Variants in CDR2 observed in about 807,000 individuals in gnomAD.
The protein encoded by CDR2 is cerebellar degeneration related protein 2, also known as cerebellar degeneration-related protein 2.
Under a neutral mutation model 48.4 loss-of-function variants are expected in CDR2, and 34 were observed. That is an observed-to-expected ratio of 0.70 (90% CI 0.53 to 0.94). CDR2 has a LOEUF of 0.94. Among genes scored for constraint, CDR2 ranks in the 40% least tolerant of loss-of-function variants. CDR2 has a pLI of 0.00. For synonymous variants in CDR2, 240 were observed against 219.7 expected (o/e 1.09, Z -0.82); for missense variants, 498 against 549.5 (o/e 0.91, Z 0.94).
At chr16:22,352,998 T>C (rs1258924928) in intron 2 of CDR2, among the ~76,000 whole-genome samples, 1 of 152,122 alleles carries the variant, frequency 6.6e-6, no homozygotes, top group African/African-American at 2.4e-5. Context: ...CTCTTAGGAA[T>C]TGATGAGATT....
chr16:22,360,150 G>A (rs950815219), intron 2 of CDR2, among the ~76,000 whole-genome samples: 54 of 152,196 alleles, frequency 3.5e-4, no homozygotes, highest in African/African-American at 1.2e-3. Context: ...CTGCTTACAC[G>A]GTTGTAGCAA....
intron 1 of CDR2, among the ~76,000 whole-genome samples, chr16:22,369,438 G>C (rs531593967): frequency 6.6e-6 from 1 of 152,268 alleles, no homozygotes; most frequent in African/African-American, 2.4e-5. Flanking sequence ...TGCTCCTGCA[G>C]AAAGAGATAC....
chr16:22,346,930 C>A lies in CDR2; in HGVS notation c.*35G>T. 6.3e-7 allele frequency: 1 copy of A among 1,585,420 alleles called. No individual in the cohort carries two copies. Among genetic ancestry groups the A allele is most frequent in the South Asian group, 1.2e-5 (1 of 86,914 alleles). On this transcript the variant is annotated 3_prime_UTR_variant, in exon 5 of 5. Coordinates refer to ENST00000268383, the MANE Select transcript of CDR2 (RefSeq NM_001802.2). The stretch of plus-strand genomic sequence containing the variant: ...CTGAATGGGAGAGAGAGGCGATAGG[C>A]AATAGGCAAATTAGTAGTAGAGCTA...
chr16:22,357,401 GAC>G (rs1266706005), intron 2 of CDR2, among the ~76,000 whole-genome samples: 1 of 152,130 alleles, frequency 6.6e-6, no homozygotes, highest in African/African-American at 2.4e-5. Flanking sequence ...GTCCATTCCT[GAC>G]ACACAGTAGG....
intron 1 of CDR2, among the ~76,000 whole-genome samples, chr16:22,372,179 G>T (rs1224468559): frequency 1.3e-5 from 2 of 151,326 alleles, no homozygotes; most frequent in Non-Finnish European, 3.0e-5. Flanking sequence ...CCAGACCTGT[G>T]TTTTTAAGGT....
chr16:22,358,200 GTACAGACATGC>G (rs2048988796), intron 2 of CDR2, among the ~76,000 whole-genome samples: 1 of 152,092 alleles, frequency 6.6e-6, no homozygotes, highest in African/African-American at 2.4e-5. Context: ...TCATCTCAAG[GTACAGACATGC>G]TGCTGACATG....
In CDR2 at chr16:22,349,452, AACAG is replaced by A; in HGVS notation, c.342-13_342-10del. The A allele has an allele frequency of 6.2e-7, 1 of 1,614,038 alleles. No individual in the cohort carries two copies. Among genetic ancestry groups the A allele is most frequent in the Non-Finnish European group, 8.5e-7 (1 of 1,179,946 alleles). ...CAATCGTTTCAGTCAGGCTGTGAGG[AACAG>A]ACAGAAGCCACTGCTGCTTGTCATA... is the stretch of plus-strand genomic sequence containing the variant. On this transcript the variant is annotated splice_polypyrimidine_tract_variant and intron_variant, in intron 3 of 4. Transcript: ENST00000268383.
chr16:22,353,492 G>C (rs1300539901), intron 2 of CDR2, among the ~76,000 whole-genome samples: 1 of 152,148 alleles, frequency 6.6e-6, no homozygotes, highest in Non-Finnish European at 1.5e-5. Flanking sequence ...ACTGGACTAT[G>C]TCACCCCAAA....
intron 2 of CDR2, among the ~76,000 whole-genome samples, chr16:22,351,171 G>A (rs1380868304): frequency 6.6e-6 from 1 of 152,160 alleles, no homozygotes; most frequent in Non-Finnish European, 1.5e-5. Context: ...CTTCATCCAT[G>A]TCCCTGCAAA....
At position 22,347,113 on chromosome 16, in the gene CDR2, G is replaced by T; in HGVS notation, c.1217C>A (p.Ala406Asp). Residue 406 changes from alanine to aspartate, a missense_variant, in exon 5 of 5, where the codon GCC becomes GAC. Physicochemically the swap from Ala to Asp is moderately radical, Grantham distance 126. Coordinates refer to ENST00000268383, the MANE Select transcript of CDR2 (RefSeq NM_001802.2). ...ACTCACGGGCTCTGGGTTGACAGAGGCCAGTTCCCAGCCGCTGGCAACAGG... is the reference window on the plus strand; with the variant it reads ...ACTCACGGGCTCTGGGTTGACAGAGTCCAGTTCCCAGCCGCTGGCAACAGG... ...SEPVASGWEL[A>D]SVNPEPVSSP... The T allele has an allele frequency of 6.2e-7, 1 of 1,614,208 alleles. No individual in the cohort carries two copies. Among genetic ancestry groups the T allele is most frequent in the East Asian group, 2.2e-5 (1 of 44,892 alleles).
In CDR2 at chr16:22,360,848, C is replaced by T. The variant is rs2049006739; in HGVS notation, c.192+4054G>A. Among the ~76,000 whole-genome samples the T allele has an allele frequency of 3.6e-5, 5 of 137,372 alleles. 1 individual carries two copies. The South Asian group carries it at 1.1e-3, about 31-fold the overall frequency. The allele number at this position is 137,372 out of a possible 152,430, so 90.1% of individuals were successfully genotyped here. A position where few individuals can be genotyped will look rare whatever the true frequency, so the allele number is the denominator to read the frequency against. On this transcript the variant is annotated intron_variant, in intron 2 of 4. Coordinates refer to ENST00000268383, the MANE Select transcript of CDR2 (RefSeq NM_001802.2). ...CACTGTGACCTCCGCCCTGCAGGTT[C>T]AAGGGATTCTCCTGCCTCAGCCTCC...
chr16:22,369,208 C>T lies in CDR2; in HGVS notation c.80-4194G>A, dbSNP rs1024821401. On this transcript the variant is annotated intron_variant, in intron 1 of 4. Transcript: ENST00000268383. The stretch of plus-strand genomic sequence containing the variant: ...CACCTGTAATCTCAGCACTTTGGGA[C>T]GCCAAGGCAGGAGGACTGTTTGAGG... 5.3e-5 allele frequency among the ~76,000 whole-genome samples: 8 copies of T among 150,686 alleles called. No individual in the cohort carries two copies. The East Asian group carries it at 5.8e-4, about 11-fold the overall frequency.
Position 22,374,302 on chromosome 16 carries a change from G to C in CDR2, c.8C>G (p.Ala3Gly). ML[A>G]ENLVEEFEMK... ...CTCAAACTCCTCTACCAGGTTTTCC[G>C]CCAGCATCTCGGCTGGGTCTTCTAG... is the stretch of plus-strand genomic sequence containing the variant. The change falls in exon 1 of 5, where the codon GCG becomes GGG. Residue 3 changes from alanine (A) to glycine (G), a missense_variant. Physicochemically the swap from Ala to Gly is moderately conservative, Grantham distance 60. Coordinates refer to ENST00000268383, the MANE Select transcript of CDR2 (RefSeq NM_001802.2). 1 of 1,598,196 alleles carries C rather than the reference G, an allele frequency of 6.3e-7. No homozygotes were observed. The highest frequency in any genetic ancestry group is 8.5e-7 in the Non-Finnish European group (1 of 1,172,890).
Position 22,346,694 on chromosome 16 carries a change from C to T in CDR2, c.*271G>A. On this transcript the variant is annotated 3_prime_UTR_variant, in exon 5 of 5. Transcript: ENST00000268383. Reference sequence around the variant, plus strand: ...TCTCCAGAAGTATAGCTCTTCCCTCCACTGGTCCTTTTCAGGAACTGAAGT... The same window carrying T: ...TCTCCAGAAGTATAGCTCTTCCCTCTACTGGTCCTTTTCAGGAACTGAAGT... 4.4e-6 allele frequency: 2 copies of T among 456,488 alleles called. No homozygotes were observed. The highest frequency in any genetic ancestry group is 2.9e-5 in the South Asian group (1 of 34,662). 28.3% of individuals were successfully genotyped at this position (456,488 alleles called of 1,614,324 possible).
At chr16:22,353,375 T>G (rs1265845572) in intron 2 of CDR2, among the ~76,000 whole-genome samples, 1 of 152,208 alleles carries the variant, frequency 6.6e-6, no homozygotes, top group Non-Finnish European at 1.5e-5. Flanking sequence ...GAGGTCTTGC[T>G]TTGCTGTTTA....
chr16:22,359,601 G>A (rs1035796260), intron 2 of CDR2, among the ~76,000 whole-genome samples: 1 of 152,074 alleles, frequency 6.6e-6, no homozygotes, highest in African/African-American at 2.4e-5. Context: ...CTACACCAAA[G>A]CAGTGTAAGC....
At chr16:22,370,983 C>T (rs1270097553) in intron 1 of CDR2, among the ~76,000 whole-genome samples, 1 of 152,092 alleles carries the variant, frequency 6.6e-6, no homozygotes, top group Non-Finnish European at 1.5e-5. Context: ...GAGGCCGAGG[C>T]GGGTAAATCA....
chr16:22,349,491 G>A (rs1167530481), intron 3 of CDR2, 48 bp from the exon 4 acceptor site: 5 of 1,604,606 alleles, frequency 3.1e-6, no homozygotes, highest in Non-Finnish European at 4.3e-6. Context: ...ATTGAATCAA[G>A]GGCAAAAGCG....
At chr16:22,358,878 T>C (rs969777455) in intron 2 of CDR2, among the ~76,000 whole-genome samples, 1 of 152,190 alleles carries the variant, frequency 6.6e-6, no homozygotes, top group African/African-American at 2.4e-5. Context: ...TTCTGGAAGA[T>C]TTATTTTTTC....
Sources: allele counts gnomAD v4.1 joint callset (sites outside exome capture counted in the v4.1 genomes callset), GRCh38; gene constraint gnomAD v4.1.1; transcripts MANE v1.5; gene names NCBI Gene and HGNC (gene_info 2026-07-23, HGNC 2026-07-21).